Variants in STARD13 observed in about 807,000 individuals in gnomAD.
The protein encoded by STARD13 is StAR related lipid transfer domain containing 13.
STARD13 carries 62 observed loss-of-function variants against 106.4 expected under a neutral mutation model. That is an observed-to-expected ratio of 0.58 (90% CI 0.48 to 0.72). The LOEUF is 0.72. Ranked by LOEUF, STARD13 falls within the 30% of genes least tolerant of loss-of-function variation. The pLI, the probability that STARD13 is intolerant of heterozygous loss-of-function variation, is 0.00. For missense variants in STARD13, 1,387 were observed against 1,424.0 expected (o/e 0.97, Z 0.42); for synonymous variants, 565 against 553.0 (o/e 1.02, Z -0.31).
rs186946932 is a variant in STARD13 at position 33,249,104 on chromosome 13, A to C, written c.169+36366T>G. On this transcript the variant is annotated intron_variant, in intron 1 of 13. Coordinates refer to ENST00000336934, the MANE Select transcript of STARD13 (RefSeq NM_178006.4). ...ATAGGTGACATGCTACATGACATTG[A>C]AATGACTGCTAGCTTTATACATTAA... Among the ~76,000 whole-genome samples the C allele has an allele frequency of 2.6e-5, 4 of 152,352 alleles. No homozygotes were observed. The East Asian group carries it at 7.7e-4, about 29-fold the overall frequency.
intron 1 of STARD13, among the ~76,000 whole-genome samples, chr13:33,179,917 A>T (rs902538749): frequency 7.9e-5 from 12 of 152,236 alleles, no homozygotes; most frequent in Non-Finnish European, 1.5e-4. Context: ...TTAGGAGCTG[A>T]GATTCGTGTG....
chr13:33,174,082 C>G (rs1252030608), intron 1 of STARD13, among the ~76,000 whole-genome samples: 9 of 152,098 alleles, frequency 5.9e-5, no homozygotes, highest in Non-Finnish European at 1.3e-4. Flanking sequence ...AAAAGAAGAT[C>G]GAGCAAATTC....
At chr13:33,612,822 C>A in the STARD13 span, among the ~76,000 whole-genome samples, 1 of 152,314 alleles carries the variant, frequency 6.6e-6, no homozygotes, top group Non-Finnish European at 1.5e-5. Flanking sequence ...TCAGAGTACA[C>A]AAAAGACCGA....
At chr13:33,658,081 T>A in the STARD13 span, 2 of 152,268 alleles carry the variant, frequency 1.3e-5, no homozygotes, top group Non-Finnish European at 2.9e-5. Context: ...CTTCCTCCAG[T>A]CCCTGGTAAC....
At chr13:33,616,817 T>C in the STARD13 span, among the ~76,000 whole-genome samples, 1 of 152,218 alleles carries the variant, frequency 6.6e-6, no homozygotes, top group Non-Finnish European at 1.5e-5. Flanking sequence ...TTTATTTTAA[T>C]TGAATCAGAA....
the STARD13 span, among the ~76,000 whole-genome samples, chr13:33,588,692 G>C: frequency 6.6e-6 from 1 of 152,160 alleles, no homozygotes; most frequent in African/African-American, 2.4e-5. Flanking sequence ...CATCGCAAAT[G>C]TTATGTCCAA....
rs1201293042 is a variant in STARD13, at chr13:33,103,271, T to C, written c.*2322A>G. On this transcript the variant is annotated 3_prime_UTR_variant, in exon 14 of 14. Coordinates refer to ENST00000336934, the MANE Select transcript of STARD13 (RefSeq NM_178006.4). Reference sequence around the variant, plus strand: ...GTATAAATATAATATTTAAATGCAATATCATACTTTATTTCCATTGGCAAG... The same window carrying C: ...GTATAAATATAATATTTAAATGCAACATCATACTTTATTTCCATTGGCAAG... The C allele has an allele frequency of 6.6e-6, 1 of 152,670 alleles. No homozygotes were observed. The highest frequency in any genetic ancestry group is 1.9e-4 in the East Asian group (1 of 5,206). 9.5% of individuals were successfully genotyped at this position (152,670 alleles called of 1,614,324 possible). A position where few individuals can be genotyped will look rare whatever the true frequency, so the allele number is the denominator to read the frequency against.
chr13:33,385,855 AAAAAAAAAC>A, the STARD13 span, among the ~76,000 whole-genome samples: 1 of 147,328 alleles, frequency 6.8e-6, no homozygotes, highest in East Asian at 2.0e-4. Context: ...TGTCTCAAAA[AAAAAAAAAC>A]AAAAAAAAAA....
the STARD13 span, among the ~76,000 whole-genome samples, chr13:33,520,625 T>G: frequency 2.0e-5 from 3 of 152,092 alleles, no homozygotes; most frequent in Non-Finnish European, 4.4e-5. Context: ...GTGGTCAAAG[T>G]CATTCTGCCT....
At chr13:33,440,270 C>T in the STARD13 span, among the ~76,000 whole-genome samples, 7 of 63,574 alleles carry the variant, frequency 1.1e-4, no homozygotes, top group Non-Finnish European at 2.5e-4. Flanking sequence ...CAGAACGAGG[C>T]AAAAAAAAAA....
chr13:33,544,636 A>G, the STARD13 span, among the ~76,000 whole-genome samples: 23 of 152,218 alleles, frequency 1.5e-4, no homozygotes, highest in African/African-American at 5.3e-4. Context: ...AAAAGAAGAA[A>G]AAAAAGATTG....
the STARD13 span, among the ~76,000 whole-genome samples, chr13:33,610,700 G>A: frequency 6.6e-6 from 1 of 152,228 alleles, no homozygotes; most frequent in African/African-American, 2.4e-5. Context: ...GCTGGTGGCC[G>A]GGAAATCCCA....
At chr13:33,401,959 C>G in the STARD13 span, among the ~76,000 whole-genome samples, 1 of 152,046 alleles carries the variant, frequency 6.6e-6, no homozygotes, top group African/African-American at 2.4e-5. Context: ...TTATGACATC[C>G]CAAAATGTGA....
the STARD13 span, among the ~76,000 whole-genome samples, chr13:33,363,144 C>T: frequency 4.6e-5 from 7 of 152,296 alleles, no homozygotes; most frequent in East Asian, 1.3e-3. Context: ...CTATATGGAC[C>T]TTGTATCCTT....
At chr13:33,462,062 T>C in the STARD13 span, among the ~76,000 whole-genome samples, 10 of 152,188 alleles carry the variant, frequency 6.6e-5, no homozygotes, top group African/African-American at 2.4e-4. Flanking sequence ...CTCCCACCTC[T>C]CTCTCACAAA....
rs1566130449 is a variant in STARD13, at chr13:33,307,542, A to G, written c.124+42748T>C. Reference sequence around the variant, plus strand: ...GATGGAGCTGGAAGACATTATCCTCAGCAAACTAATGCAGGAACAGAAAAC... The same window carrying G: ...GATGGAGCTGGAAGACATTATCCTCGGCAAACTAATGCAGGAACAGAAAAC... On this transcript the variant is annotated intron_variant, in intron 1 of 5. Transcript: ENST00000567873. Among the ~76,000 whole-genome samples the G allele has an allele frequency of 7.2e-5, 11 of 152,326 alleles. No individual in the cohort carries two copies. In the South Asian group the frequency reaches 2.3e-3, roughly 32 times the overall value.
At chr13:33,165,497 G>A in intron 2 of STARD13, 79 bp from the exon 3 acceptor site, 1 of 1,076,120 alleles carries the variant, frequency 9.3e-7, no homozygotes, top group South Asian at 1.3e-5. Flanking sequence ...TTCAAGGTCT[G>A]TAAAAGCCAC....
At chr13:33,628,148 AACACACACACAC>A in the STARD13 span, among the ~76,000 whole-genome samples, 73 of 133,440 alleles carry the variant, frequency 5.5e-4, no homozygotes, top group Admixed American at 1.3e-3. Flanking sequence ...TCTCTTGTAA[AACACACACACAC>A]ACACACACAC....
the STARD13 span, among the ~76,000 whole-genome samples, chr13:33,573,821 C>T: frequency 6.6e-6 from 1 of 152,088 alleles, no homozygotes; most frequent in African/African-American, 2.4e-5. Flanking sequence ...TGGGTGTTAC[C>T]TTTATCTTAC....
Sources: gnomAD v4.1 joint callset for allele counts (sites outside exome capture counted in the v4.1 genomes callset) on GRCh38, gnomAD v4.1.1 for gene constraint, MANE v1.5 for transcripts, NCBI Gene and HGNC (gene_info 2026-07-23, HGNC 2026-07-21) for gene names.